SCAMP3: variants seen among roughly 807,000 people sequenced by gnomAD.
SCAMP3 encodes the protein secretory carrier membrane protein 3.
Under a neutral mutation model 44.1 loss-of-function variants are expected in SCAMP3, and 30 were observed. That is an observed-to-expected ratio of 0.68 (90% CI 0.51 to 0.92). The LOEUF (loss-of-function observed/expected upper bound fraction) is 0.92. Among genes scored for constraint, SCAMP3 ranks in the 40% least tolerant of loss-of-function variants. The pLI, the probability that SCAMP3 is intolerant of heterozygous loss-of-function variation, is 0.00. For synonymous variants in SCAMP3, 168 were observed against 171.1 expected (o/e 0.98, Z 0.14); for missense variants, 394 against 440.0 (o/e 0.90, Z 0.93).
chr1:155,256,185 G>A lies in SCAMP3; in HGVS notation c.*88C>T. On this transcript the variant is annotated 3_prime_UTR_variant, in exon 9 of 9. Coordinates refer to ENST00000302631, the MANE Select transcript of SCAMP3 (RefSeq NM_005698.4). ...AGCACTACGGAGGAGCCATCAGTTA[G>A]TGATGTCTCTCCAAGTCCCAGAGAC... 1 of 1,304,986 alleles carries A rather than the reference G, an allele frequency of 7.7e-7. No homozygotes were observed. Among genetic ancestry groups the A allele is most frequent in the Non-Finnish European group, 1.1e-6 (1 of 948,236 alleles). The allele number at this position is 1,304,986 out of a possible 1,614,324, so 80.8% of individuals were successfully genotyped here. A position where few individuals can be genotyped will look rare whatever the true frequency, so the allele number is the denominator to read the frequency against.
rs762315325 is a variant in SCAMP3, at chr1:155,262,134, G to C, written c.18C>G (p.Asp6Glu). 1.3e-5 allele frequency: 21 copies of C among 1,613,934 alleles called. No individual in the cohort carries two copies. Among genetic ancestry groups the C allele is most frequent in the Non-Finnish European group, 1.8e-5 (21 of 1,180,014 alleles). Residue 6 changes from aspartate (D) to glutamate (E), a missense_variant, in exon 1 of 9, where the codon GAC becomes GAG. Asp to Glu is a conservative substitution (Grantham distance 45). Coordinates refer to ENST00000302631, the MANE Select transcript of SCAMP3 (RefSeq NM_005698.4). The stretch of plus-strand genomic sequence containing the variant: ...TGGGCTCGGCGAACGGGTTTCCGCC[G>C]TCTCTGCTCTGAGCCATGTTTGCAA... MAQSR[D>E]GGNPFAEPSE...
intron 3 of SCAMP3, 33 bp from the exon 4 acceptor site, chr1:155,260,483 C>G: frequency 6.2e-7 from 1 of 1,614,204 alleles, no homozygotes; most frequent in Non-Finnish European, 8.5e-7. Context: ...GATGTGAGCC[C>G]TGGGCCCCAG....
At chr1:155,262,014 A>C in intron 1 of SCAMP3, 72 bp downstream of exon 1, 1 of 1,453,592 alleles carries the variant, frequency 6.9e-7, no homozygotes, top group Non-Finnish European at 9.6e-7. Context: ...TGGGGATACA[A>C]GTTAGCCCGA....
chr1:155,261,065 C>CTACA (rs953491673), intron 2 of SCAMP3, among the ~76,000 whole-genome samples: 56 of 152,044 alleles, frequency 3.7e-4, no homozygotes, highest in African/African-American at 1.3e-3. Context: ...GTAGCAAGGA[C>CTACA]TACAGGCATG....
intron 4 of SCAMP3, 87 bp downstream of exon 4, chr1:155,260,243 C>G (rs977036767): frequency 6.5e-7 from 1 of 1,531,238 alleles, no homozygotes; most frequent in South Asian, 1.2e-5. Context: ...TAGGTGTGAG[C>G]CACCGCACCC....
In SCAMP3 at chr1:155,260,328, A is replaced by C; in HGVS notation, c.388+2T>G. The C allele has an allele frequency of 6.2e-7, 1 of 1,610,648 alleles. No individual in the cohort carries two copies. The highest frequency in any genetic ancestry group is 8.5e-7 in the Non-Finnish European group (1 of 1,179,960). Reference sequence around the variant, plus strand: ...GATGCTCTTCCCCACTCTATTACTTACTAGCTGTGCCCCCCAGGGCAGCAT... The same window carrying C: ...GATGCTCTTCCCCACTCTATTACTTCCTAGCTGTGCCCCCCAGGGCAGCAT... On this transcript the variant is annotated splice_donor_variant, in intron 4 of 8. Transcript: ENST00000302631. LOFTEE classifies it high-confidence loss of function.
chr1:155,258,928 G>T lies in SCAMP3; in HGVS notation c.415C>A (p.Pro139Thr), dbSNP rs1218946469. Residue 139 changes from proline to threonine, a missense_variant, in exon 5 of 9, where the codon CCT becomes ACT. Transcript: ENST00000302631. ...CAGGGCTGAACTGGACAAAAAGAAG[G>T]TAGAGGGGGCCAATTGTTCTGTCGA... is the stretch of plus-strand genomic sequence containing the variant. ...ATRQNNWPPL[P>T]SFCPVQPCFF... is the part of the protein sequence containing the mutation. 6.2e-7 allele frequency: 1 copy of T among 1,612,684 alleles called. No homozygotes were observed. Among genetic ancestry groups the T allele is most frequent in the Non-Finnish European group, 8.5e-7 (1 of 1,179,484 alleles).
At position 155,256,123 on chromosome 1, in the gene SCAMP3, G is replaced by T; in HGVS notation, c.*150C>A. On this transcript the variant is annotated 3_prime_UTR_variant, in exon 9 of 9. Coordinates refer to ENST00000302631, the MANE Select transcript of SCAMP3 (RefSeq NM_005698.4). ...CTAGGTCACAGTGAACTCCCCACAC[G>T]CCTGTCAGGTTCAGCAGTCATGGCC... 1.4e-6 allele frequency: 1 copy of T among 727,464 alleles called. No individual in the cohort carries two copies. The highest frequency in any genetic ancestry group is 2.2e-6 in the Non-Finnish European group (1 of 464,018). 45.1% of individuals were successfully genotyped at this position (727,464 alleles called of 1,614,324 possible).
intron 7 of SCAMP3, 69 bp downstream of exon 7, chr1:155,257,216 T>A (rs1672826266): frequency 1.9e-6 from 2 of 1,037,844 alleles, no homozygotes; most frequent in East Asian, 4.8e-5. Context: ...TCTGAACAAC[T>A]CCTATCCCAG....
rs71996352 is a variant in SCAMP3, at chr1:155,258,318, CTTTTTTTTTTTTTTTTTTT to C, written c.517+489_517+507del. 9.1e-4 allele frequency among the ~76,000 whole-genome samples: 79 copies of C among 86,594 alleles called. 1 individual carries two copies. The highest frequency in any genetic ancestry group is 2.7e-3 in the African/African-American group (75 of 27,720). 56.8% of individuals were successfully genotyped at this position (86,594 alleles called of 152,430 possible). On this transcript the variant is annotated intron_variant, in intron 5 of 8. Transcript: ENST00000302631. ...ACAGGTGTGAGCCACCGTGCCCGGC[CTTTTTTTTTTTTTTTTTTT>C]TTTTTTTTTTTTTTTTGAGATGGAG...
intron 5 of SCAMP3, 59 bp downstream of exon 5, chr1:155,258,767 C>T (rs566719137): frequency 2.6e-6 from 4 of 1,516,822 alleles, no homozygotes; most frequent in East Asian, 2.4e-5. Context: ...GGTGAGCGGA[C>T]CCCAGGGCAG....
At chr1:155,261,529 C>T (rs1251931712) in intron 2 of SCAMP3, 128 bp downstream of exon 2, 1 of 862,026 alleles carries the variant, frequency 1.2e-6, no homozygotes, top group Admixed American at 1.8e-5. Context: ...ACTAGCCTCT[C>T]TCAGGGAACT....
At chr1:155,257,733 T>C in intron 5 of SCAMP3, 76 bp from the exon 6 acceptor site, 1 of 1,370,426 alleles carries the variant, frequency 7.3e-7, no homozygotes, top group East Asian at 2.5e-5. Context: ...GCTCATCCTA[T>C]AATATTCACC....
At position 155,256,171 on chromosome 1, in the gene SCAMP3, G is replaced by T; in HGVS notation, c.*102C>A. 1 of 1,198,536 alleles carries T rather than the reference G, an allele frequency of 8.3e-7. No individual in the cohort carries two copies. Among genetic ancestry groups the T allele is most frequent in the Non-Finnish European group, 1.2e-6 (1 of 853,680 alleles). The allele number at this position is 1,198,536 out of a possible 1,614,324, so 74.2% of individuals were successfully genotyped here. A position where few individuals can be genotyped will look rare whatever the true frequency, so the allele number is the denominator to read the frequency against. ...GCCATAGGATTGGGAGCACTACGGAGGAGCCATCAGTTAGTGATGTCTCTC... is the reference window on the plus strand; with the variant it reads ...GCCATAGGATTGGGAGCACTACGGATGAGCCATCAGTTAGTGATGTCTCTC... On this transcript the variant is annotated 3_prime_UTR_variant, in exon 9 of 9. Coordinates refer to ENST00000302631, the MANE Select transcript of SCAMP3 (RefSeq NM_005698.4).
In SCAMP3 at chr1:155,260,469, C is replaced by T. The variant is rs754542820; in HGVS notation, c.268-19G>A. 2.3e-5 allele frequency: 37 copies of T among 1,614,032 alleles called. No individual in the cohort carries two copies. Among genetic ancestry groups the T allele is most frequent in the Admixed American group, 1.5e-4 (9 of 60,004 alleles). ...CTGAGGCCTGCCCAGTGTGAGCAGA[C>T]GGAGATGTGAGCCCTGGGCCCCAGG... On this transcript the variant is annotated intron_variant, in intron 3 of 8. Coordinates refer to ENST00000302631, the MANE Select transcript of SCAMP3 (RefSeq NM_005698.4).
intron 6 of SCAMP3, 42 bp from the exon 7 acceptor site, chr1:155,257,428 G>A (rs757364388): frequency 1.2e-6 from 2 of 1,607,804 alleles, no homozygotes; most frequent in South Asian, 1.1e-5. Context: ...AGAAGAATTA[G>A]AGCTGAAGGA....
chr1:155,259,332 G>A lies in SCAMP3; in HGVS notation c.389-378C>T, dbSNP rs1050527681. On this transcript the variant is annotated intron_variant, in intron 4 of 8. Transcript: ENST00000302631. ...TGGGATTATGGGCACATGCCACCAC[G>A]CCCAGCTAATTTTTGTATTTTTAGT... 3.3e-5 allele frequency among the ~76,000 whole-genome samples: 5 copies of A among 151,992 alleles called. No individual in the cohort carries two copies. In the South Asian group the frequency reaches 8.3e-4, roughly 25 times the overall value.
intron 2 of SCAMP3, chr1:155,261,332 C>A (rs1432556532): frequency 1.2e-5 from 4 of 340,826 alleles, no homozygotes; most frequent in African/African-American, 2.1e-5. Flanking sequence ...TCCTTGCTTT[C>A]AAACTGCACA....
In SCAMP3 at chr1:155,257,994, G is replaced by A. The variant is rs181604557; in HGVS notation, c.518-337C>T. On this transcript the variant is annotated intron_variant, in intron 5 of 8. Transcript: ENST00000302631. ...AGAGTAGCTGGGACTACAGGCGCCCGCCACCACGCCCAGCTAATTTTTTTT... is the reference window on the plus strand; with the variant it reads ...AGAGTAGCTGGGACTACAGGCGCCCACCACCACGCCCAGCTAATTTTTTTT... Among the ~76,000 whole-genome samples the A allele has an allele frequency of 4.9e-3, 725 of 148,628 alleles. 6 individuals are homozygous for A. Among genetic ancestry groups the A allele is most frequent in the Middle Eastern group, 0.022 (6 of 276 alleles).
Sources: gnomAD v4.1 joint callset for allele counts (sites outside exome capture counted in the v4.1 genomes callset) on GRCh38, gnomAD v4.1.1 for gene constraint, MANE v1.5 for transcripts, NCBI Gene and HGNC (gene_info 2026-07-23, HGNC 2026-07-21) for gene names.